Variants in FAM184A observed in about 807,000 individuals in gnomAD.
FAM184A encodes the protein protein FAM184A.
FAM184A carries 99 observed loss-of-function variants against 143.8 expected under a neutral mutation model. The observed-to-expected ratio is 0.69, with a 90% confidence interval of 0.58 to 0.81. The LOEUF (loss-of-function observed/expected upper bound fraction) is 0.81, where lower values mean the gene tolerates loss of function less well. Among genes scored for constraint, FAM184A ranks in the 40% least tolerant of loss-of-function variants. The pLI is 0.00. For synonymous variants in FAM184A, 427 were observed against 446.4 expected, an observed-to-expected ratio of 0.96 and a Z score of 0.55; for missense variants, 1,217 against 1,310.5, an observed-to-expected ratio of 0.93 and a Z score of 1.10.
intron 5 of FAM184A, among the ~76,000 whole-genome samples, chr6:119,013,132 A>G (rs1785138690): frequency 6.6e-6 from 1 of 152,126 alleles, no homozygotes; most frequent in African/African-American, 2.4e-5. Flanking sequence ...GGGTAGAAAT[A>G]ATGCTGCAAT....
intron 15 of FAM184A, 101 bp from the exon 16 acceptor site, chr6:118,964,872 C>G (rs1221826675): frequency 8.1e-6 from 5 of 614,930 alleles, no homozygotes; most frequent in Non-Finnish European, 1.4e-5. Context: ...ACTATAAAAC[C>G]TGAATGAAGA....
At chr6:119,014,561 GTT>G (rs1785181134) in intron 5 of FAM184A, among the ~76,000 whole-genome samples, 2 of 152,202 alleles carry the variant, frequency 1.3e-5, no homozygotes, top group East Asian at 3.8e-4. Context: ...CTTTCAACTA[GTT>G]GAGGCTTCCT....
Position 118,984,149 on chromosome 6 carries a change from TA to T in FAM184A, c.2089-3800del, listed in dbSNP as rs530813071. On this transcript the variant is annotated intron_variant, in intron 9 of 17. Transcript: ENST00000338891. Reference sequence around the variant, plus strand: ...TGGGCAATGATAACGAAACTCCATTTAAAAAAAAAATATATATATATATATA... The same window carrying T: ...TGGGCAATGATAACGAAACTCCATTTAAAAAAAAATATATATATATATATA... Among the ~76,000 whole-genome samples the T allele has an allele frequency of 9.9e-4, 111 of 111,938 alleles. 1 individual carries two copies. Among genetic ancestry groups the T allele is most frequent in the Admixed American group, 1.3e-3 (14 of 10,422 alleles). The allele number at this position is 111,938 out of a possible 152,430, so 73.4% of individuals were successfully genotyped here.
At chr6:118,987,413 T>C (rs1022602007) in intron 9 of FAM184A, among the ~76,000 whole-genome samples, 35 of 152,204 alleles carry the variant, frequency 2.3e-4, no homozygotes, top group African/African-American at 7.7e-4. Context: ...AAGTTGAGTA[T>C]GGGTTTGGTG....
chr6:119,025,585 A>C (rs1785603662), intron 1 of FAM184A: 1 of 518,844 alleles, frequency 1.9e-6, no homozygotes, highest in Non-Finnish European at 3.8e-6. Flanking sequence ...GAGATGTCCC[A>C]ACCTTAATTT....
At chr6:118,979,255 A>C in intron 11 of FAM184A, 110 bp downstream of exon 11, 1 of 1,045,438 alleles carries the variant, frequency 9.6e-7, no homozygotes. Flanking sequence ...TTAGATATTC[A>C]TTTTGACGTT....
At chr6:119,138,078 C>G (rs1382910731) in intron 1 of FAM184A, among the ~76,000 whole-genome samples, 1 of 152,154 alleles carries the variant, frequency 6.6e-6, no homozygotes, top group Non-Finnish European at 1.5e-5. Context: ...GCATTGCTGT[C>G]TTTCAAGTTT....
chr6:119,011,533 C>T, intron 5 of FAM184A, 102 bp from the exon 6 acceptor site: 1 of 754,604 alleles, frequency 1.3e-6, no homozygotes, highest in South Asian at 1.9e-5. Flanking sequence ...TGAAACTTTG[C>T]TCTTCAAATT....
intron 1 of FAM184A, among the ~76,000 whole-genome samples, chr6:119,146,396 ACGTGTGTGTG>A (rs1479132369): frequency 4.2e-5 from 4 of 95,328 alleles, no homozygotes; most frequent in African/African-American, 1.7e-4. Context: ...CGATTAACTT[ACGTGTGTGTG>A]TGTGTGTGTG....
At chr6:119,105,692 A>G (rs1448810614) in intron 1 of FAM184A, among the ~76,000 whole-genome samples, 1 of 152,214 alleles carries the variant, frequency 6.6e-6, no homozygotes, top group Non-Finnish European at 1.5e-5. Context: ...TAAAGAATAT[A>G]TGGGCTGCAA....
chr6:119,038,135 G>A (rs1786180643), intron 1 of FAM184A, among the ~76,000 whole-genome samples: 2 of 152,086 alleles, frequency 1.3e-5, no homozygotes, highest in African/African-American at 4.8e-5. Context: ...TTTGCAAAGG[G>A]CAGTTAAACC....
intron 1 of FAM184A, among the ~76,000 whole-genome samples, chr6:119,043,719 G>A (rs1786426652): frequency 6.6e-6 from 1 of 152,220 alleles, no homozygotes; most frequent in African/African-American, 2.4e-5. Context: ...TTGGGAGAAT[G>A]GGCAGGAAGC....
intron 1 of FAM184A, among the ~76,000 whole-genome samples, chr6:119,036,364 A>G: frequency 6.6e-6 from 1 of 152,176 alleles, no homozygotes; most frequent in East Asian, 1.9e-4. Context: ...ATTTTACTTA[A>G]GCCAAGGGCA....
chr6:119,119,245 G>A (rs1276175764), intron 1 of FAM184A, among the ~76,000 whole-genome samples: 1 of 152,174 alleles, frequency 6.6e-6, no homozygotes, highest in Non-Finnish European at 1.5e-5. Context: ...CTGCGATCTC[G>A]CCCTGCCTCC....
chr6:119,004,848 G>C (rs751957733), intron 7 of FAM184A, among the ~76,000 whole-genome samples: 42 of 152,116 alleles, frequency 2.8e-4, no homozygotes, highest in Non-Finnish European at 4.6e-4. Context: ...AAATGAAACT[G>C]AATCAGTAAG....
intron 1 of FAM184A, among the ~76,000 whole-genome samples, chr6:119,077,629 G>A (rs1787920463): frequency 2.0e-5 from 3 of 152,328 alleles, no homozygotes; most frequent in South Asian, 4.1e-4. Flanking sequence ...TCAGGATAAG[G>A]AATGACTCAT....
At chr6:119,006,708 A>G (rs969631193) in intron 6 of FAM184A, 100 bp from the exon 7 acceptor site, 158 of 927,544 alleles carry the variant, frequency 1.7e-4, no homozygotes, top group Non-Finnish European at 2.4e-4. Context: ...TTGTAATTTT[A>G]CTGAATGGAT....
At chr6:119,017,894 C>G (rs976459786) in intron 4 of FAM184A, among the ~76,000 whole-genome samples, 2 of 152,068 alleles carry the variant, frequency 1.3e-5, no homozygotes, top group African/African-American at 4.8e-5. Flanking sequence ...TTTAAAGGAG[C>G]CTGGCACCTC....
chr6:119,081,224 C>T (rs1318575484), upstream of FAM184A, among the ~76,000 whole-genome samples: 2 of 152,172 alleles, frequency 1.3e-5, no homozygotes, highest in East Asian at 1.9e-4. Context: ...CTACCAAACA[C>T]TTATAAAACT....
Sources: gnomAD v4.1 joint callset for allele counts (sites outside exome capture counted in the v4.1 genomes callset) on GRCh38, gnomAD v4.1.1 for gene constraint, MANE v1.5 for transcripts, NCBI Gene and HGNC (gene_info 2026-07-23, HGNC 2026-07-21) for gene names.